Variants in PCDH15 observed in about 807,000 individuals in gnomAD.
PCDH15 encodes protocadherin related 15.
Under a neutral mutation model 178.5 loss-of-function variants are expected in PCDH15, and 129 were observed. That is an observed-to-expected ratio of 0.72 (90% confidence interval 0.63 to 0.84). The LOEUF (loss-of-function observed/expected upper bound fraction) is 0.84, where lower values mean the gene tolerates loss of function less well. Among genes scored for constraint, PCDH15 ranks in the 40% least tolerant of loss-of-function variants. PCDH15 has a pLI of 0.00. For synonymous variants in PCDH15, 800 were observed against 732.0 expected (o/e 1.09, Z -1.50); for missense variants, 2,230 against 2,099.9 (o/e 1.06, Z -1.21).
intron 18 of PCDH15, among the ~76,000 whole-genome samples, chr10:54,041,496 T>G (rs1252923639): frequency 6.6e-6 from 1 of 152,056 alleles, no homozygotes; most frequent in Non-Finnish European, 1.5e-5. Context: ...TATTAAAAAA[T>G]AATTGCCTTT....
intron 1 of PCDH15, among the ~76,000 whole-genome samples, chr10:54,743,920 T>C (rs1237988666): frequency 2.6e-5 from 4 of 152,130 alleles, no homozygotes; most frequent in Non-Finnish European, 4.4e-5. Context: ...AAAATGGCTT[T>C]CAGTGATCCT....
intron 18 of PCDH15, among the ~76,000 whole-genome samples, chr10:54,045,836 A>T (rs2135558959): frequency 6.6e-6 from 1 of 152,230 alleles, no homozygotes; most frequent in South Asian, 2.1e-4. Flanking sequence ...TGATGGATAA[A>T]TTTGATAATC....
chr10:55,507,849 T>C (rs774668755), intron 2 of PCDH15, among the ~76,000 whole-genome samples: 12 of 151,754 alleles, frequency 7.9e-5, no homozygotes, highest in Non-Finnish European at 1.8e-4. Context: ...GTGTTTTTCT[T>C]AACCATGATC....
At chr10:55,096,547 A>G (rs1842454102) in intron 2 of PCDH15, among the ~76,000 whole-genome samples, 1 of 152,084 alleles carries the variant, frequency 6.6e-6, no homozygotes, top group Admixed American at 6.6e-5. Context: ...ATACATTGTT[A>G]TTAACTGCTG....
intron 5 of PCDH15, among the ~76,000 whole-genome samples, chr10:54,355,796 C>T (rs1294482982): frequency 6.6e-6 from 1 of 151,944 alleles, no homozygotes; most frequent in Admixed American, 6.6e-5. Context: ...TAATAAATTT[C>T]CAAATTCACC....
chr10:54,223,820 C>T (rs2053153907), intron 9 of PCDH15, among the ~76,000 whole-genome samples: 1 of 152,086 alleles, frequency 6.6e-6, no homozygotes, highest in Admixed American at 6.6e-5. Flanking sequence ...ATTCCTGTTT[C>T]TGCTTCTTAA....
intron 2 of PCDH15, among the ~76,000 whole-genome samples, chr10:55,598,461 C>T (rs1161508656): frequency 7.1e-6 from 1 of 141,562 alleles, no homozygotes; most frequent in African/African-American, 2.6e-5. Flanking sequence ...CCCCGATATA[C>T]CTCACCATCT....
chr10:55,046,413 G>A (rs957155283), intron 2 of PCDH15, among the ~76,000 whole-genome samples: 1 of 151,998 alleles, frequency 6.6e-6, no homozygotes, highest in East Asian at 1.9e-4. Context: ...CTTTTAACTG[G>A]CCTGTAAGGC....
At chr10:55,010,822 A>T (rs965968094) in intron 2 of PCDH15, among the ~76,000 whole-genome samples, 3 of 152,134 alleles carry the variant, frequency 2.0e-5, no homozygotes, top group Admixed American at 6.6e-5. Flanking sequence ...TATTTATATC[A>T]CAATCCATCT....
chr10:55,241,961 A>G (rs1342546739), intron 1 of PCDH15, among the ~76,000 whole-genome samples: 1 of 152,184 alleles, frequency 6.6e-6, no homozygotes, highest in Non-Finnish European at 1.5e-5. Context: ...TCTGCATGAG[A>G]GTGAAGTGAT....
chr10:54,636,475 G>C (rs1228952094), intron 2 of PCDH15, among the ~76,000 whole-genome samples: 1 of 151,990 alleles, frequency 6.6e-6, no homozygotes, highest in East Asian at 1.9e-4. Context: ...TATTTAATTT[G>C]CATATATCAC....
intron 21 of PCDH15, among the ~76,000 whole-genome samples, chr10:53,988,364 G>C (rs2091248974): frequency 6.6e-6 from 1 of 152,116 alleles, no homozygotes; most frequent in South Asian, 2.1e-4. Flanking sequence ...ATGGGGGAGG[G>C]TGTGGGTGCC....
intron 26 of PCDH15, among the ~76,000 whole-genome samples, chr10:53,891,815 C>T (rs2081573708): frequency 6.7e-6 from 1 of 148,932 alleles, no homozygotes; most frequent in African/African-American, 2.5e-5. Context: ...AAAAAAAATA[C>T]AAAAAAGTTA....
At chr10:54,778,400 G>C (rs1164960909) in intron 1 of PCDH15, among the ~76,000 whole-genome samples, 2 of 152,132 alleles carry the variant, frequency 1.3e-5, no homozygotes, top group Non-Finnish European at 2.9e-5. Context: ...TCCCGGGGTG[G>C]AGGGGCGTTA....
chr10:54,991,374 A>G (rs796816237), intron 2 of PCDH15, among the ~76,000 whole-genome samples: 2 of 152,270 alleles, frequency 1.3e-5, no homozygotes, highest in Admixed American at 1.3e-4. Context: ...TCTCAACCTT[A>G]GAAATAGAGG....
chr10:55,313,944 G>C (rs1364067086), intron 1 of PCDH15, among the ~76,000 whole-genome samples: 2 of 152,030 alleles, frequency 1.3e-5, no homozygotes, highest in South Asian at 2.1e-4. Flanking sequence ...ATCAGGAAGA[G>C]AGAAAAGCAG....
At chr10:54,933,331 G>A (rs2131855258) in intron 2 of PCDH15, among the ~76,000 whole-genome samples, 1 of 152,170 alleles carries the variant, frequency 6.6e-6, no homozygotes, top group Non-Finnish European at 1.5e-5. Flanking sequence ...GATTGTGACA[G>A]TTTTTATGTA....
At chr10:54,632,836 T>G (rs1175469148) in intron 2 of PCDH15, among the ~76,000 whole-genome samples, 1 of 152,198 alleles carries the variant, frequency 6.6e-6, no homozygotes, top group East Asian at 1.9e-4. Context: ...ACCTGAATAC[T>G]ACCTCAAAGG....
intron 1 of PCDH15, among the ~76,000 whole-genome samples, chr10:55,248,411 C>CTTGTT (rs1383411847): frequency 6.6e-6 from 1 of 151,846 alleles, no homozygotes; most frequent in Non-Finnish European, 1.5e-5. Flanking sequence ...AAACATATTC[C>CTTGTT]TAATGTTTTC....
Sources: gnomAD v4.1 joint callset for allele counts (sites outside exome capture counted in the v4.1 genomes callset) on GRCh38, gnomAD v4.1.1 for gene constraint, MANE v1.5 for transcripts, NCBI Gene and HGNC (gene_info 2026-07-23, HGNC 2026-07-21) for gene names.